Variants in SCAI observed in about 807,000 individuals in gnomAD.
The protein encoded by SCAI is suppressor of cancer cell invasion.
In SCAI, 24 loss-of-function variants were observed where a neutral mutation model predicts 92.2. The observed-to-expected ratio is 0.26, with a 90% confidence interval of 0.19 to 0.37. The LOEUF (loss-of-function observed/expected upper bound fraction) is 0.37, where lower values mean the gene tolerates loss of function less well. Ranked by LOEUF, SCAI falls within the 10% of genes least tolerant of loss-of-function variation. The pLI is 1.00. For synonymous variants in SCAI, 261 were observed against 258.6 expected (o/e 1.01, Z -0.09); for missense variants, 450 against 736.2 (o/e 0.61, Z 4.50).
intron 15 of SCAI, chr9:124,975,364 C>T (rs1162187595): frequency 4.4e-6 from 2 of 456,348 alleles, no homozygotes; most frequent in Non-Finnish European, 8.8e-6. Context: ...CAGTAAAATG[C>T]CATCTCCCAC....
intron 17 of SCAI, chr9:124,968,348 G>C (rs1289810286): frequency 8.3e-7 from 1 of 1,205,470 alleles, no homozygotes; most frequent in Non-Finnish European, 1.2e-6. Context: ...TGGTTTTTAA[G>C]GCTTTAGTGA....
rs542987413 is a variant in SCAI at position 125,048,581 on chromosome 9, A to G, written c.230+7295T>C. ...AAGAGAAGAAGAAGAAGAAAAGGGC[A>G]GGGGAGGGGAAGAAGGGGTCAATGG... On this transcript the variant is annotated intron_variant, in intron 3 of 17. Coordinates refer to ENST00000336505, the MANE Select transcript of SCAI (RefSeq NM_001144877.3). Among the ~76,000 whole-genome samples the G allele has an allele frequency of 3.3e-5, 5 of 152,154 alleles. No homozygotes were observed. The East Asian group carries it at 9.7e-4, about 29-fold the overall frequency.
chr9:125,088,228 T>A (rs1302839390), intron 2 of SCAI, among the ~76,000 whole-genome samples: 1 of 152,094 alleles, frequency 6.6e-6, no homozygotes, highest in East Asian at 1.9e-4. Context: ...CCCATGTAGC[T>A]GGAACTACAG....
chr9:125,063,523 T>C (rs1833817507), intron 2 of SCAI, among the ~76,000 whole-genome samples: 1 of 151,156 alleles, frequency 6.6e-6, no homozygotes, highest in Non-Finnish European at 1.5e-5. Flanking sequence ...AATGATGAAG[T>C]CCATCAGATT....
chr9:125,115,215 AC>A (rs1204299565), intron 2 of SCAI, among the ~76,000 whole-genome samples: 9 of 151,880 alleles, frequency 5.9e-5, no homozygotes, highest in Non-Finnish European at 1.3e-4. Context: ...TACTAAAAAT[AC>A]AAAAAATTAG....
intron 2 of SCAI, among the ~76,000 whole-genome samples, chr9:125,106,568 T>TA (rs1834804713): frequency 6.6e-6 from 1 of 152,162 alleles, no homozygotes; most frequent in East Asian, 1.9e-4. Flanking sequence ...CTAAGTCTTG[T>TA]GTAACAAGTT....
intron 2 of SCAI, among the ~76,000 whole-genome samples, chr9:125,108,744 G>A (rs1441779646): frequency 6.8e-6 from 1 of 146,910 alleles, no homozygotes; most frequent in African/African-American, 2.5e-5. Context: ...AGTGAGGAGC[G>A]TCTCCGCCCG....
intron 2 of SCAI, among the ~76,000 whole-genome samples, chr9:125,083,176 G>A (rs1834256679): frequency 6.6e-6 from 1 of 152,052 alleles, no homozygotes; most frequent in African/African-American, 2.4e-5. Flanking sequence ...TTAAAAAGAG[G>A]AGTTCCCCTG....
intron 3 of SCAI, among the ~76,000 whole-genome samples, chr9:125,055,251 T>C (rs901353060): frequency 2.0e-5 from 3 of 152,230 alleles, no homozygotes; most frequent in Admixed American, 2.0e-4. Context: ...TTACCTATTG[T>C]ATGAATTTTC....
chr9:124,972,925 A>AATGCTCT (rs1214972704), intron 15 of SCAI, among the ~76,000 whole-genome samples: 2 of 152,174 alleles, frequency 1.3e-5, no homozygotes, highest in Non-Finnish European at 2.9e-5. Flanking sequence ...ACATTAACTG[A>AATGCTCT]ATGCTCTTTC....
intron 2 of SCAI, among the ~76,000 whole-genome samples, chr9:125,141,652 A>C (rs1835668601): frequency 6.6e-6 from 1 of 152,272 alleles, no homozygotes; most frequent in Non-Finnish European, 1.5e-5. Context: ...AAGCAATAAG[A>C]AAACCTACTT....
At chr9:124,962,174 G>GT (rs1390328727) in intron 17 of SCAI, among the ~76,000 whole-genome samples, 2 of 142,964 alleles carry the variant, frequency 1.4e-5, no homozygotes, top group African/African-American at 2.6e-5. Context: ...TTTTTTTGCG[G>GT]GGGGGGATGG....
At chr9:125,044,953 G>C (rs879609819) in intron 3 of SCAI, among the ~76,000 whole-genome samples, 2 of 152,186 alleles carry the variant, frequency 1.3e-5, no homozygotes, top group Admixed American at 1.3e-4. Context: ...GCCCCACCAC[G>C]GCAGCTAGCT....
chr9:124,946,523 A>G lies in SCAI; in HGVS notation c.*6284T>C, dbSNP rs937947884. On this transcript the variant is annotated 3_prime_UTR_variant, in exon 18 of 18. Coordinates refer to ENST00000336505, the MANE Select transcript of SCAI (RefSeq NM_001144877.3). This position sits in a 1 kb window ranked among gnomAD's most constrained non-coding sequence, Gnocchi z 4.0. The stretch of plus-strand genomic sequence containing the variant: ...ATTTTATCATGCAAAAATAACCTCT[A>G]CTTAATTTCTGCAGTGAATGTATTT... 1 of 152,214 alleles carries G rather than the reference A, an allele frequency of 6.6e-6. No homozygotes were observed. The highest frequency in any genetic ancestry group is 1.5e-5 in the Non-Finnish European group (1 of 68,030). 9.4% of individuals were successfully genotyped at this position (152,214 alleles called of 1,614,324 possible).
chr9:125,062,052 C>T (rs1833777942), intron 2 of SCAI, among the ~76,000 whole-genome samples: 1 of 151,804 alleles, frequency 6.6e-6, no homozygotes, highest in African/African-American at 2.4e-5. Context: ...TTGCTGAGGT[C>T]CTTGCATTAT....
At chr9:125,092,906 G>T (rs1229000456) in intron 2 of SCAI, among the ~76,000 whole-genome samples, 2 of 152,128 alleles carry the variant, frequency 1.3e-5, no homozygotes, top group Non-Finnish European at 2.9e-5. Flanking sequence ...AATTCACTTT[G>T]TTCCCATCAT....
chr9:124,955,186 T>C lies in SCAI; in HGVS notation c.1675-2233A>G, dbSNP rs1236752210. On this transcript the variant is annotated intron_variant, in intron 17 of 17. Coordinates refer to ENST00000336505, the MANE Select transcript of SCAI (RefSeq NM_001144877.3). Reference sequence around the variant, plus strand: ...CCGTCTAAAAAAAAAAAAAAAAAAATTAAAGATAAATGCTTGTGTTAGAAG... The same window carrying C: ...CCGTCTAAAAAAAAAAAAAAAAAAACTAAAGATAAATGCTTGTGTTAGAAG... 2.7e-5 allele frequency among the ~76,000 whole-genome samples: 4 copies of C among 145,750 alleles called. No homozygotes were observed. In the East Asian group the frequency reaches 8.0e-4, roughly 29 times the overall value.
chr9:125,003,090 T>C (rs1175463021), intron 11 of SCAI, 24 bp downstream of exon 11: 1 of 1,486,840 alleles, frequency 6.7e-7, no homozygotes, highest in South Asian at 1.1e-5. Context: ...CACCTCATAG[T>C]AAAAAGTACT....
intron 2 of SCAI, among the ~76,000 whole-genome samples, chr9:125,087,078 T>TATAA (rs1834338224): frequency 6.6e-6 from 1 of 152,186 alleles, no homozygotes; most frequent in Admixed American, 6.5e-5. Flanking sequence ...ATGGTCACCC[T>TATAA]ATAAATAAGT....
Sources: gnomAD v4.1 joint callset for allele counts (sites outside exome capture counted in the v4.1 genomes callset) on GRCh38, gnomAD v4.1.1 for gene constraint, Gnocchi (gnomAD v3.1) non-coding constraint, MANE v1.5 for transcripts, NCBI Gene and HGNC (gene_info 2026-07-23, HGNC 2026-07-21) for gene names.